Variants in NMRK1 observed in about 807,000 individuals in gnomAD.
The protein encoded by NMRK1 is NRK 1.
NMRK1 carries 28 observed loss-of-function variants against 29.9 expected under a neutral mutation model. The observed-to-expected ratio is 0.94, with a 90% CI of 0.69 to 1.28. The LOEUF is 1.28. NMRK1 is among the 50% of genes most tolerant of loss of function. The probability of loss-of-function intolerance (pLI) is 0.00; values close to 1 mark genes in which losing one functional copy is unlikely to be tolerated. For missense variants in NMRK1, 218 were observed against 233.1 expected (o/e 0.94, Z 0.42); for synonymous variants, 58 against 73.0 (o/e 0.79, Z 1.05).
intron 2 of NMRK1, 142 bp from the exon 3 acceptor site, chr9:75,077,722 G>A (rs1038430707): frequency 9.8e-6 from 6 of 612,020 alleles, no homozygotes; most frequent in African/African-American, 7.4e-5. Flanking sequence ...TGCAACCTCC[G>A]ATTCATGGGT....
At position 75,061,471 on chromosome 9, in the gene NMRK1, G is replaced by T. The variant is rs966169238; in HGVS notation, c.*77C>A. On this transcript the variant is annotated 3_prime_UTR_variant, in exon 9 of 9. Transcript: ENST00000361092. ...CTGTCATTGTACCACAGTATACATT[G>T]TATCTTGGTGAAGGTTCTTAAATTA... 1.9e-6 allele frequency: 2 copies of T among 1,064,812 alleles called. No homozygotes were observed. The highest frequency in any genetic ancestry group is 3.2e-5 in the African/African-American group (2 of 62,984). 66.0% of individuals were successfully genotyped at this position (1,064,812 alleles called of 1,614,324 possible). A position where few individuals can be genotyped will look rare whatever the true frequency, so the allele number is the denominator to read the frequency against.
In NMRK1 at chr9:75,066,811, C is replaced by G; in HGVS notation, c.526G>C (p.Asp176His). ...TCTTCATATACTTGCAAAAAGAGGT[C>G]CTCTTCAGATTTTGTTCCATCCAGG... ...VYLDGTKSEEDLFLQVYEDLI... is the reference protein window; with the variant it reads ...VYLDGTKSEEHLFLQVYEDLI... Residue 176 changes from aspartate to histidine, a missense_variant, in exon 8 of 9, where the codon GAC (aspartate) becomes CAC (histidine). By Grantham distance (81) the Asp-to-His change is moderately conservative. Transcript: ENST00000361092. 1 of 1,608,938 alleles carries G rather than the reference C, an allele frequency of 6.2e-7. No individual in the cohort carries two copies. Among genetic ancestry groups the G allele is most frequent in the Non-Finnish European group, 8.5e-7 (1 of 1,175,612 alleles).
In NMRK1 at chr9:75,069,792, A is replaced by G; in HGVS notation, c.339T>C (p.Asn113=). Reference sequence around the variant, plus strand: ...ATGGAATAGTCAGGAAATAGCTTCTATTCCATATAGTGTCAAGGGGCCTAA... The same window carrying G: ...ATGGAATAGTCAGGAAATAGCTTCTGTTCCATATAGTGTCAAGGGGCCTAA... ...FNYKPLDTIW[N]RSYFLTIPYE... Residue 113 remains asparagine (N), a synonymous_variant, in exon 6 of 9, where the codon AAT becomes AAC. Transcript: ENST00000361092. 6.2e-7 allele frequency: 1 copy of G among 1,613,024 alleles called. No homozygotes were observed. The highest frequency in any genetic ancestry group is 8.5e-7 in the Non-Finnish European group (1 of 1,179,404).
At chr9:75,072,133 C>T (rs1823734211) in intron 4 of NMRK1, among the ~76,000 whole-genome samples, 1 of 152,178 alleles carries the variant, frequency 6.6e-6, no homozygotes, top group Non-Finnish European at 1.5e-5. Flanking sequence ...CACCCTTTTC[C>T]TTGTCCCTTT....
chr9:75,077,441 G>T, intron 3 of NMRK1, 49 bp downstream of exon 3: 1 of 1,298,164 alleles, frequency 7.7e-7, no homozygotes, highest in African/African-American at 1.5e-5. Flanking sequence ...TAACGTGGTG[G>T]TTAAACATTT....
intron 8 of NMRK1, 66 bp downstream of exon 8, chr9:75,066,691 A>G: frequency 4.6e-6 from 4 of 876,840 alleles, no homozygotes; most frequent in Non-Finnish European, 7.9e-6. Context: ...CCATTCTTTC[A>G]TATGTAATGA....
chr9:75,076,560 T>C lies in NMRK1; in HGVS notation c.169+599A>G, dbSNP rs370753841. Among the ~76,000 whole-genome samples, 28 of 152,322 alleles carry C rather than the reference T, an allele frequency of 1.8e-4. No individual in the cohort carries two copies. The East Asian group carries it at 3.3e-3, about 18-fold the overall frequency. ...AATGAAAAAGAAGAAAAATCTATCA[T>C]TTCAGTGTTTTCAGTTTTATTATTT... On this transcript the variant is annotated intron_variant, in intron 4 of 8. Coordinates refer to ENST00000361092, the MANE Select transcript of NMRK1 (RefSeq NM_017881.3).
intron 1 of NMRK1, among the ~76,000 whole-genome samples, chr9:75,086,933 G>A (rs537244600): frequency 9.3e-4 from 135 of 144,578 alleles, no homozygotes; most frequent in African/African-American, 3.3e-3. Context: ...TTAAGACAGA[G>A]TCTCGCTCTG....
At chr9:75,069,272 G>T in intron 6 of NMRK1, 170 bp from the exon 7 acceptor site, 1 of 555,408 alleles carries the variant, frequency 1.8e-6, no homozygotes, top group Non-Finnish European at 3.2e-6. Flanking sequence ...CAGTAACATG[G>T]ATTTAGTTCT....
intron 2 of NMRK1, among the ~76,000 whole-genome samples, chr9:75,079,358 T>C (rs1253843125): frequency 6.6e-6 from 1 of 152,162 alleles, no homozygotes; most frequent in Non-Finnish European, 1.5e-5. Flanking sequence ...CAAATGTCCA[T>C]AGTTTAGGTA....
intron 7 of NMRK1, among the ~76,000 whole-genome samples, chr9:75,068,353 G>C (rs1480087561): frequency 6.6e-6 from 1 of 152,122 alleles, no homozygotes; most frequent in Non-Finnish European, 1.5e-5. Context: ...CTAGATTATT[G>C]GCCTTATAGG....
chr9:75,084,875 T>G (rs1241782098), intron 1 of NMRK1, among the ~76,000 whole-genome samples: 1 of 152,234 alleles, frequency 6.6e-6, no homozygotes, highest in East Asian at 1.9e-4. Flanking sequence ...CATCCAAATT[T>G]ACAAGATGTA....
At chr9:75,077,052 T>A (rs1042319682) in intron 4 of NMRK1, 107 bp downstream of exon 4, 10 of 683,522 alleles carry the variant, frequency 1.5e-5, no homozygotes, top group Non-Finnish European at 2.1e-5. Flanking sequence ...GTTCTTTTTT[T>A]AAATTTTTGT....
intron 2 of NMRK1, among the ~76,000 whole-genome samples, chr9:75,080,296 G>T (rs1824241739): frequency 6.6e-6 from 1 of 152,106 alleles, no homozygotes; most frequent in Non-Finnish European, 1.5e-5. Context: ...TCCCATGAAG[G>T]TTATCATCTC....
chr9:75,069,379 T>C (rs555629652), intron 6 of NMRK1: 1 of 476,684 alleles, frequency 2.1e-6, no homozygotes, highest in Non-Finnish European at 3.7e-6. Context: ...ACAAATAGTG[T>C]AAATAACAAT....
chr9:75,066,739 T>A lies in NMRK1; in HGVS notation c.580+18A>T. 1.4e-6 allele frequency: 2 copies of A among 1,418,764 alleles called. No homozygotes were observed. The highest frequency in any genetic ancestry group is 2.0e-6 in the Non-Finnish European group (2 of 1,002,038). 87.9% of individuals were successfully genotyped at this position (1,418,764 alleles called of 1,614,324 possible). ...GCTGTTTCTCCTCTACCATCCACTT[T>A]GTTAGCACAATACTTACACTTTTGC... On this transcript the variant is annotated intron_variant, in intron 8 of 8. Transcript: ENST00000361092.
intron 2 of NMRK1, chr9:75,082,733 G>A (rs931388945): frequency 1.1e-4 from 29 of 257,678 alleles, no homozygotes; most frequent in African/African-American, 6.5e-4. Context: ...CAGCTGGAAA[G>A]AAACTAAGTT....
intron 2 of NMRK1, 66 bp downstream of exon 2, chr9:75,083,021 C>T: frequency 8.6e-7 from 1 of 1,164,956 alleles, no homozygotes; most frequent in South Asian, 1.2e-5. Context: ...CCCACTCCAT[C>T]CACACAGAAA....
intron 1 of NMRK1, among the ~76,000 whole-genome samples, chr9:75,084,841 G>A (rs1824526674): frequency 6.6e-6 from 1 of 152,184 alleles, no homozygotes; most frequent in African/African-American, 2.4e-5. Context: ...TTCATCCAGA[G>A]TTATGTTGTT....
Sources: allele counts gnomAD v4.1 joint callset (sites outside exome capture counted in the v4.1 genomes callset), GRCh38; gene constraint gnomAD v4.1.1; transcripts MANE v1.5; gene names NCBI Gene and HGNC (gene_info 2026-07-23, HGNC 2026-07-21).